Variants in FAM186A observed in about 807,000 individuals in gnomAD.
FAM186A encodes the protein family with sequence similarity 186 member A, also known as protein FAM186A.
A neutral mutation model predicts 216.8 loss-of-function variants in FAM186A; 163 were observed. That is an observed-to-expected ratio of 0.75 (90% CI 0.66 to 0.86). The LOEUF is 0.86. Ranked by LOEUF, FAM186A falls within the 40% of genes least tolerant of loss-of-function variation. The probability of loss-of-function intolerance (pLI) is 0.00; values close to 1 mark genes in which losing one functional copy is unlikely to be tolerated. For missense variants in FAM186A, 2,184 were observed against 2,746.2 expected (o/e 0.80, Z 4.58); for synonymous variants, 805 against 1,025.3 (o/e 0.79, Z 4.10).
intron 1 of FAM186A, among the ~76,000 whole-genome samples, chr12:50,372,637 A>C (rs1367546929): frequency 6.6e-6 from 1 of 151,256 alleles, no homozygotes; most frequent in Non-Finnish European, 1.5e-5. Context: ...ACGGTGGTTC[A>C]CATCTGTAAT....
chr12:50,334,505 T>G (rs933536955), intron 4 of FAM186A, among the ~76,000 whole-genome samples: 1 of 151,824 alleles, frequency 6.6e-6, no homozygotes, highest in Non-Finnish European at 1.5e-5. Context: ...TGAGACAGAG[T>G]CTCACTCTGT....
At chr12:50,362,429 A>T (rs768491333) in intron 2 of FAM186A, among the ~76,000 whole-genome samples, 16 of 152,128 alleles carry the variant, frequency 1.1e-4, no homozygotes, top group Non-Finnish European at 1.9e-4. Context: ...AGGAAGTCAG[A>T]TACTAATGCT....
chr12:50,368,830 G>A (rs1943114434), intron 1 of FAM186A, among the ~76,000 whole-genome samples: 1 of 151,988 alleles, frequency 6.6e-6, no homozygotes, highest in South Asian at 2.1e-4. Flanking sequence ...CATATAACCT[G>A]ATGGAATAGA....
rs779637297 is a variant in FAM186A at position 50,355,765 on chromosome 12, G to A, written c.1067C>T (p.Pro356Leu). 8.4e-6 allele frequency: 13 copies of A among 1,551,632 alleles called. No individual in the cohort carries two copies. Among genetic ancestry groups the A allele is most frequent in the Non-Finnish European group, 1.0e-5 (12 of 1,146,982 alleles). Residue 356 changes from proline to leucine, a missense_variant, in exon 4 of 8, where the codon CCT becomes CTT. By Grantham distance (98) the Pro-to-Leu change is moderately conservative. Around this residue, in one of 7 missense-constraint regions of FAM186A, gnomAD observed 1,132 missense variants for 1,263.4 expected, o/e 0.90. Coordinates refer to ENST00000327337, the MANE Select transcript of FAM186A (RefSeq NM_001145475.3). ...TSSTLKVLPGPSPQSSRAIIK... is the reference protein window; with the variant it reads ...TSSTLKVLPGLSPQSSRAIIK... ...TATCGCCCTGGATGACTGTGGAGAA[G>A]GTCCAGGTAACACTTTCAAGGTTGA...
At chr12:50,394,760 T>TTTTTTTTTTTTTTTTTTTTTTG in intron 1 of FAM186A, among the ~76,000 whole-genome samples, 1 of 112,836 alleles carries the variant, frequency 8.9e-6, no homozygotes, top group South Asian at 2.9e-4. Flanking sequence ...TTTTTTTTTT[T>TTTTTTTTTTTTTTTTTTTTTTG]AGAGATAGAG....
chr12:50,392,793 A>C (rs1283261469), intron 1 of FAM186A, among the ~76,000 whole-genome samples: 3 of 70,074 alleles, frequency 4.3e-5, no homozygotes, highest in Non-Finnish European at 9.6e-5. Flanking sequence ...TGGTATTTTT[A>C]GTAGAGACGG....
chr12:50,347,711 T>C (rs1403710019), intron 4 of FAM186A, among the ~76,000 whole-genome samples: 1 of 151,502 alleles, frequency 6.6e-6, no homozygotes, highest in Non-Finnish European at 1.5e-5. Flanking sequence ...AATAATAGGT[T>C]GGTAACTTCA....
At chr12:50,377,701 C>G (rs1460322326) in intron 1 of FAM186A, among the ~76,000 whole-genome samples, 1 of 151,572 alleles carries the variant, frequency 6.6e-6, no homozygotes, top group Non-Finnish European at 1.5e-5. Flanking sequence ...GGCGTGGTGG[C>G]TGGCACCTAT....
At position 50,353,729 on chromosome 12, in the gene FAM186A, T is replaced by A; in HGVS notation, c.3103A>T (p.Thr1035Ser). Reference protein sequence around the residue: ...EGKEFQRNLKTLENLPDEKEP... With the variant: ...EGKEFQRNLKSLENLPDEKEP... The stretch of plus-strand genomic sequence containing the variant: ...TTTTCATCAGGAAGGTTCTCTAATG[T>A]CTTCAGATTCCTCTGAAACTCTTTT... The change falls in exon 4 of 8, where the codon ACA becomes TCA. Residue 1035 changes from threonine (T) to serine (S), a missense_variant. By Grantham distance (58) the Thr-to-Ser change is moderately conservative. Coordinates refer to ENST00000327337, the MANE Select transcript of FAM186A (RefSeq NM_001145475.3). The A allele has an allele frequency of 1.3e-6, 2 of 1,548,450 alleles. No individual in the cohort carries two copies. Among genetic ancestry groups the A allele is most frequent in the South Asian group, 1.2e-5 (1 of 83,392 alleles).
At chr12:50,345,943 T>G (rs540038117) in intron 4 of FAM186A, among the ~76,000 whole-genome samples, 2 of 148,894 alleles carry the variant, frequency 1.3e-5, no homozygotes, top group East Asian at 3.9e-4. Flanking sequence ...CTTTGAATAG[T>G]ATTATATGGT....
intron 4 of FAM186A, among the ~76,000 whole-genome samples, chr12:50,337,264 G>A (rs1042229432): frequency 3.7e-5 from 4 of 108,804 alleles, no homozygotes; most frequent in African/African-American, 1.4e-4. Flanking sequence ...GGACTTTATT[G>A]TTGGATGTAG....
chr12:50,327,859 A>G (rs1942621025), intron 7 of FAM186A, among the ~76,000 whole-genome samples: 1 of 152,098 alleles, frequency 6.6e-6, no homozygotes, highest in Non-Finnish European at 1.5e-5. Context: ...ATCCATATAT[A>G]TAAAGTTACA....
In FAM186A at chr12:50,360,854, A is replaced by G. The variant is rs1189585881; in HGVS notation, c.485T>C (p.Leu162Ser). ...CTCAATAGCTTTTAACGTGTCCGGT[A>G]ACAACTCCATTTGTGCTATCCAGTG... ...HHHWIAQMEL[L>S]PDTLKAIENN... The change falls in exon 3 of 8, where the codon TTA (leucine) becomes TCA (serine). Residue 162 changes from leucine to serine, a missense_variant. Physicochemically the swap from Leu to Ser is moderately radical, Grantham distance 145. Transcript: ENST00000327337. 1.1e-5 allele frequency: 17 copies of G among 1,551,460 alleles called. No individual in the cohort carries two copies. In the South Asian group the frequency reaches 2.0e-4, roughly 18 times the overall value.
At chr12:50,394,602 G>T (rs542602618) in intron 1 of FAM186A, among the ~76,000 whole-genome samples, 17 of 151,226 alleles carry the variant, frequency 1.1e-4, no homozygotes, top group Non-Finnish European at 1.6e-4. Flanking sequence ...TCTACCTATA[G>T]AGAGAGAGAG....
intron 4 of FAM186A, among the ~76,000 whole-genome samples, chr12:50,341,604 A>C (rs1399738278): frequency 6.6e-6 from 1 of 152,158 alleles, no homozygotes; most frequent in African/African-American, 2.4e-5. Context: ...TGGGAGGCCA[A>C]GGTGGGCAGA....
chr12:50,334,111 A>T lies in FAM186A; in HGVS notation c.6504-8T>A, dbSNP rs1942683957. ...CGTTTCATTATGTTGTTCCTTGAAA[A>T]GATTAATAAAAATTAGAGCGATAAT... is the stretch of plus-strand genomic sequence containing the variant. On this transcript the variant is annotated splice_polypyrimidine_tract_variant and splice_region_variant and intron_variant, in intron 4 of 7. Coordinates refer to ENST00000327337, the MANE Select transcript of FAM186A (RefSeq NM_001145475.3). 12 of 1,524,052 alleles carry T rather than the reference A, an allele frequency of 7.9e-6. No homozygotes were observed. Among genetic ancestry groups the T allele is most frequent in the Non-Finnish European group, 1.1e-5 (12 of 1,136,910 alleles). 94.4% of individuals were successfully genotyped at this position (1,524,052 alleles called of 1,614,324 possible). A position where few individuals can be genotyped will look rare whatever the true frequency, so the allele number is the denominator to read the frequency against.
intron 3 of FAM186A, among the ~76,000 whole-genome samples, chr12:50,359,874 GTGC>G (rs1385077498): frequency 2.0e-5 from 3 of 152,204 alleles, no homozygotes; most frequent in Non-Finnish European, 4.4e-5. Context: ...TGACTGTGTG[GTGC>G]TGCTGATGGG....
chr12:50,340,438 A>G (rs1021984262), intron 4 of FAM186A, among the ~76,000 whole-genome samples: 1 of 152,036 alleles, frequency 6.6e-6, no homozygotes, highest in African/African-American at 2.4e-5. Flanking sequence ...GGCCGAGCTC[A>G]GTGTCTCACA....
Position 50,333,924 on chromosome 12 carries a change from T to C in FAM186A, c.6683A>G (p.His2228Arg). 1.3e-6 allele frequency: 2 copies of C among 1,550,784 alleles called. No homozygotes were observed. Among genetic ancestry groups the C allele is most frequent in the Non-Finnish European group, 1.7e-6 (2 of 1,146,802 alleles). Residue 2228 changes from histidine (H) to arginine (R), a missense_variant, in exon 5 of 8, where the codon CAC becomes CGC. Transcript: ENST00000327337. ...AAAGCAGGTTACCTGGTTGAATACG[T>C]GTATCATTTTCTTCAGGCACTGATT... is the stretch of plus-strand genomic sequence containing the variant. ...KRNQCLKKMIHVFNQLKKIHE... is the reference protein window; with the variant it reads ...KRNQCLKKMIRVFNQLKKIHE...
Sources: allele counts gnomAD v4.1 joint callset (sites outside exome capture counted in the v4.1 genomes callset), GRCh38; gene constraint gnomAD v4.1.1; regional missense constraint gnomAD v4.1.1; transcripts MANE v1.5; gene names NCBI Gene and HGNC (gene_info 2026-07-23, HGNC 2026-07-21).